The following IFIH1 variants were observed in gnomAD, a reference collection of about 807,000 sequenced individuals.
IFIH1 encodes the protein interferon-induced helicase C domain-containing protein 1.
IFIH1 carries 125 observed loss-of-function variants against 107.4 expected under a neutral mutation model. That is an observed-to-expected ratio of 1.16 (90% confidence interval 1.01 to 1.35). The LOEUF (loss-of-function observed/expected upper bound fraction) is 1.35. Ranked by LOEUF, IFIH1 falls within the 40% of genes most tolerant of loss-of-function variation. The probability of loss-of-function intolerance (pLI) is 0.00; values close to 1 mark genes in which losing one functional copy is unlikely to be tolerated. For synonymous variants in IFIH1, 458 were observed against 413.2 expected (o/e 1.11, Z -1.31); for missense variants, 1,333 against 1,213.7 (o/e 1.10, Z -1.46).
At chr2:162,298,104 A>T (rs1215396616) in intron 3 of IFIH1, among the ~76,000 whole-genome samples, 2 of 152,186 alleles carry the variant, frequency 1.3e-5, no homozygotes, top group Non-Finnish European at 2.9e-5. Context: ...TTTTAGATCT[A>T]TTTCAATGTA....
chr2:162,304,077 AAAC>A (rs749165401), intron 3 of IFIH1, among the ~76,000 whole-genome samples: 16 of 152,308 alleles, frequency 1.1e-4, no homozygotes, highest in Non-Finnish European at 1.5e-4. Flanking sequence ...CTCAAATGAA[AAAC>A]AACAACAACA....
chr2:162,286,802 G>A (rs754143771), intron 5 of IFIH1, among the ~76,000 whole-genome samples: 4 of 151,930 alleles, frequency 2.6e-5, no homozygotes, highest in Non-Finnish European at 5.9e-5. Context: ...TGAAGGTGAA[G>A]AGAAAGGAGC....
In IFIH1 at chr2:162,318,508, G is replaced by GC. The variant is rs2105239202; in HGVS notation, c.-202dup. ...CACTCGCACCTGGGCAGGTGGGCAG[G>GC]CGGGCAGGTGGGCAGCGGGGCGGCG... is the stretch of plus-strand genomic sequence containing the variant. On this transcript the variant is annotated 5_prime_UTR_variant, in exon 1 of 16. Coordinates refer to ENST00000649979, the MANE Select transcript of IFIH1 (RefSeq NM_022168.4). 4 of 367,560 alleles carry GC rather than the reference G, an allele frequency of 1.1e-5. No homozygotes were observed. The East Asian group carries it at 1.8e-4, about 16-fold the overall frequency. The allele number at this position is 367,560 out of a possible 1,614,324, so 22.8% of individuals were successfully genotyped here. A position where few individuals can be genotyped will look rare whatever the true frequency, so the allele number is the denominator to read the frequency against.
intron 3 of IFIH1, among the ~76,000 whole-genome samples, chr2:162,306,401 A>G (rs969714598): frequency 4.6e-5 from 7 of 152,194 alleles, no homozygotes; most frequent in Non-Finnish European, 5.9e-5. Context: ...TGATCTATTT[A>G]TAAGTACTTT....
chr2:162,270,743 T>TA (rs1239902830), intron 13 of IFIH1, among the ~76,000 whole-genome samples: 4 of 152,182 alleles, frequency 2.6e-5, no homozygotes, highest in Non-Finnish European at 5.9e-5. Flanking sequence ...ATTAATTCTC[T>TA]TAGGACATTA....
chr2:162,272,386 G>C lies in IFIH1; in HGVS notation c.2456C>G (p.Ala819Gly). Residue 819 changes from alanine (A) to glycine (G), a missense_variant and splice_region_variant, in exon 13 of 16, where the codon GCC becomes GGC. Ala to Gly is a moderately conservative substitution (Grantham distance 60). Coordinates refer to ENST00000649979, the MANE Select transcript of IFIH1 (RefSeq NM_022168.4). ...CTCATCAGCTCTGGCTCGACCACGGGCCTGAAAACACAAATAAATCAAGTA... is the reference window on the plus strand; with the variant it reads ...CTCATCAGCTCTGGCTCGACCACGGCCCTGAAAACACAAATAAATCAAGTA... Reference protein sequence around the residue: ...LVTNEIAMVQARGRARADEST... With the variant: ...LVTNEIAMVQGRGRARADEST... 1 of 1,610,022 alleles carries C rather than the reference G, an allele frequency of 6.2e-7. No individual in the cohort carries two copies. Among genetic ancestry groups the C allele is most frequent in the African/African-American group, 1.3e-5 (1 of 74,752 alleles).
At chr2:162,301,101 C>T (rs764362101) in intron 3 of IFIH1, among the ~76,000 whole-genome samples, 1 of 152,036 alleles carries the variant, frequency 6.6e-6, no homozygotes, top group Non-Finnish European at 1.5e-5. Flanking sequence ...CAATATATTC[C>T]AAAGCATAAT....
At chr2:162,269,027 A>G (rs570681816) in intron 13 of IFIH1, among the ~76,000 whole-genome samples, 5 of 152,134 alleles carry the variant, frequency 3.3e-5, no homozygotes, top group Non-Finnish European at 7.4e-5. Flanking sequence ...ATCTTTTTTC[A>G]TGCTTTATAA....
chr2:162,277,494 A>G lies in IFIH1; in HGVS notation c.1965T>C (p.Asp655=), dbSNP rs144274375. 2 of 1,593,226 alleles carry G rather than the reference A, an allele frequency of 1.3e-6. No homozygotes were observed. Among genetic ancestry groups the G allele is most frequent in the Non-Finnish European group, 8.6e-7 (1 of 1,161,652 alleles). The change falls in exon 10 of 16, where the codon GAT becomes GAC. Residue 655 remains aspartate (D), a synonymous_variant. Coordinates refer to ENST00000649979, the MANE Select transcript of IFIH1 (RefSeq NM_022168.4). ...TTAAATCATCCTCATCTTCATCACC[A>G]TCACAATACTCATCATCACCACCCT... The part of the protein sequence containing the change: ...SDEGGDDEYC[D]GDEDEDDLKK...
chr2:162,312,330 T>C (rs535322015), intron 1 of IFIH1, among the ~76,000 whole-genome samples: 1 of 152,150 alleles, frequency 6.6e-6, no homozygotes, highest in Non-Finnish European at 1.5e-5. Flanking sequence ...TAGTTAAGCA[T>C]GCTGTTCTAG....
Position 162,276,934 on chromosome 2 carries a change from A to T in IFIH1, c.2057T>A (p.Met686Lys). ...LMTLFFENNK[M>K]LKRLAENPEY... ...TGGGTTTTCAGCCAGCCTTTTCAAC[A>T]TTTTATTGTTTTCTTTAAGAAATAA... Residue 686 changes from methionine (M) to lysine (K), a missense_variant, in exon 11 of 16, where the codon ATG becomes AAG. Coordinates refer to ENST00000649979, the MANE Select transcript of IFIH1 (RefSeq NM_022168.4). The T allele has an allele frequency of 6.3e-7, 1 of 1,597,956 alleles. No homozygotes were observed. The highest frequency in any genetic ancestry group is 1.1e-5 in the South Asian group (1 of 87,564).
chr2:162,306,275 C>A (rs916480047), intron 3 of IFIH1, among the ~76,000 whole-genome samples: 4 of 152,128 alleles, frequency 2.6e-5, no homozygotes, highest in African/African-American at 9.7e-5. Context: ...CTTTTTATAG[C>A]TTTGATTTTA....
chr2:162,307,424 G>C (rs1683304793), intron 2 of IFIH1, among the ~76,000 whole-genome samples: 1 of 152,178 alleles, frequency 6.6e-6, no homozygotes, highest in Non-Finnish European at 1.5e-5. Context: ...ACGTACATCT[G>C]CTTTAATGTC....
At chr2:162,300,480 A>G (rs1576234634) in intron 3 of IFIH1, among the ~76,000 whole-genome samples, 1 of 152,182 alleles carries the variant, frequency 6.6e-6, no homozygotes, top group East Asian at 1.9e-4. Context: ...TCCTAGGACT[A>G]TTATGCAACT....
At chr2:162,317,705 T>C in intron 1 of IFIH1, 150 bp downstream of exon 1, 1 of 631,006 alleles carries the variant, frequency 1.6e-6, no homozygotes, top group Non-Finnish European at 2.7e-6. Flanking sequence ...TTTTTAAAAT[T>C]GTCTTAAAGT....
chr2:162,275,363 AT>A (rs1207354553), intron 11 of IFIH1, among the ~76,000 whole-genome samples: 2 of 152,172 alleles, frequency 1.3e-5, no homozygotes. Flanking sequence ...TATAATAGAA[AT>A]TTAAAAACAG....
intron 13 of IFIH1, among the ~76,000 whole-genome samples, chr2:162,269,451 A>G (rs1690991883): frequency 6.6e-6 from 1 of 152,190 alleles, no homozygotes; most frequent in African/African-American, 2.4e-5. Flanking sequence ...TCCTTCTGTG[A>G]GAGAATATGC....
rs1683445239 is a variant in IFIH1, at chr2:162,314,429, TTTCTTTC to T, written c.453+3419_453+3425del. 4.3e-5 allele frequency among the ~76,000 whole-genome samples: 4 copies of T among 93,072 alleles called. 1 individual carries two copies. Among genetic ancestry groups the T allele is most frequent in the South Asian group, 6.8e-4 (2 of 2,960 alleles). The allele number at this position is 93,072 out of a possible 152,430, so 61.1% of individuals were successfully genotyped here. ...TTTCTTTCTTTCTTTTCTTTCTTTC[TTTCTTTC>T]TTTCTTTCTTTCTTTCTTTCTTTCT... On this transcript the variant is annotated intron_variant, in intron 1 of 15. Coordinates refer to ENST00000649979, the MANE Select transcript of IFIH1 (RefSeq NM_022168.4).
At chr2:162,275,963 T>C (rs1002473909) in intron 11 of IFIH1, among the ~76,000 whole-genome samples, 2 of 152,232 alleles carry the variant, frequency 1.3e-5, no homozygotes, top group Admixed American at 6.5e-5. Flanking sequence ...AGAGGTCTCA[T>C]TCTATGTAAA....
Sources: gnomAD v4.1 joint callset for allele counts (sites outside exome capture counted in the v4.1 genomes callset) on GRCh38, gnomAD v4.1.1 for gene constraint, MANE v1.5 for transcripts, NCBI Gene and HGNC (gene_info 2026-07-23, HGNC 2026-07-21) for gene names.